Variants in DISC1 observed in about 807,000 individuals in gnomAD.
DISC1 encodes DISC1 scaffold protein, also known as disrupted in schizophrenia 1 protein.
Under a neutral mutation model 84.5 loss-of-function variants are expected in DISC1, and 57 were observed. The ratio of observed to expected loss-of-function variants is 0.67; its 90% CI spans 0.55 to 0.84. DISC1 has a LOEUF of 0.84. DISC1 is among the 40% of genes least tolerant of loss of function. The pLI is 0.00. For missense variants in DISC1, 1,000 were observed against 1,057.8 expected (o/e 0.95, Z 0.76); for synonymous variants, 411 against 415.2 (o/e 0.99, Z 0.12).
intron 9 of DISC1, among the ~76,000 whole-genome samples, chr1:231,870,672 A>C (rs2085393738): frequency 6.6e-6 from 1 of 152,172 alleles, no homozygotes; most frequent in Admixed American, 6.5e-5. Context: ...AAAAGCCCTC[A>C]AAACATGGTC....
chr1:231,942,061 C>G (rs76178247), intron 9 of DISC1, among the ~76,000 whole-genome samples: 2 of 151,650 alleles, frequency 1.3e-5, no homozygotes, highest in African/African-American at 4.9e-5. Flanking sequence ...GGCCGGGGGA[C>G]GAGGTAACCA....
intron 9 of DISC1, among the ~76,000 whole-genome samples, chr1:231,933,256 G>A (rs536814869): frequency 1.3e-5 from 2 of 152,292 alleles, no homozygotes; most frequent in African/African-American, 2.4e-5. Context: ...ACCTAGGTTA[G>A]CCTGAGTTCA....
At chr1:231,926,042 C>G (rs1254289587) in intron 9 of DISC1, 1 of 152,226 alleles carries the variant, frequency 6.6e-6, no homozygotes, top group Non-Finnish European at 1.5e-5. Context: ...ATAATAAACA[C>G]TCAGTGCTAG....
intron 11 of DISC1, among the ~76,000 whole-genome samples, chr1:232,019,463 C>T (rs575979087): frequency 1.3e-5 from 2 of 152,148 alleles, no homozygotes; most frequent in African/African-American, 4.8e-5. Context: ...TTAAATGATC[C>T]GTTCAGAATT....
At chr1:231,925,189 C>A (rs1458295865) in intron 9 of DISC1, among the ~76,000 whole-genome samples, 1 of 152,090 alleles carries the variant, frequency 6.6e-6, no homozygotes, top group African/African-American at 2.4e-5. Context: ...AAAATACGGG[C>A]CCCAACCCGA....
chr1:231,860,539 C>T (rs79887076), intron 9 of DISC1, among the ~76,000 whole-genome samples: 252 of 152,154 alleles, frequency 1.7e-3, no homozygotes, highest in African/African-American at 5.7e-3. Context: ...TAATGTCTTA[C>T]GATGTGTGTG....
chr1:231,650,628 G>C (rs12021562), intron 1 of DISC1, among the ~76,000 whole-genome samples: 17,282 of 152,212 alleles, frequency 0.11, 1,071 homozygotes, highest in South Asian at 0.16. Flanking sequence ...GGTTGGGGAA[G>C]TTCTCCTGGA....
intron 1 of DISC1, among the ~76,000 whole-genome samples, chr1:231,642,176 G>A (rs991091569): frequency 1.3e-5 from 2 of 152,154 alleles, no homozygotes; most frequent in Admixed American, 6.5e-5. Context: ...GCCCGGGGCC[G>A]GCGGGGCCGG....
At position 231,626,901 on chromosome 1, in the gene DISC1, G is replaced by T; in HGVS notation, c.34G>T (p.Ala12Ser). The T allele has an allele frequency of 6.7e-7, 1 of 1,499,240 alleles. No individual in the cohort carries two copies. Among genetic ancestry groups the T allele is most frequent in the Non-Finnish European group, 8.8e-7 (1 of 1,132,622 alleles). The allele number at this position is 1,499,240 out of a possible 1,614,324, so 92.9% of individuals were successfully genotyped here. A position where few individuals can be genotyped will look rare whatever the true frequency, so the allele number is the denominator to read the frequency against. ...PGGGPQGAPAAAGGGGVSHRA... is the reference protein window; with the variant it reads ...PGGGPQGAPASAGGGGVSHRA... ...CGGGGGTCCTCAGGGCGCCCCAGCC[G>T]CCGCCGGCGGCGGCGGCGTGAGCCA... The change falls in exon 1 of 13, where the codon GCC becomes TCC. Residue 12 changes from alanine (A) to serine (S), a missense_variant. Physicochemically the swap from Ala to Ser is moderately conservative, Grantham distance 99 (BLOSUM62 1). Coordinates refer to ENST00000439617, the MANE Select transcript of DISC1 (RefSeq NM_018662.3).
chr1:231,784,059 T>C (rs1048999406), intron 6 of DISC1, among the ~76,000 whole-genome samples: 1 of 152,062 alleles, frequency 6.6e-6, no homozygotes, highest in Non-Finnish European at 1.5e-5. Context: ...GTCAGGAGTT[T>C]GAGACCAGCC....
chr1:231,640,009 G>A lies in DISC1; in HGVS notation c.67+13075G>A, dbSNP rs186859034. Among the ~76,000 whole-genome samples, 530 of 152,336 alleles carry A rather than the reference G, an allele frequency of 3.5e-3. 5 individuals are homozygous for A. The highest frequency in any genetic ancestry group is 6.0e-3 in the Non-Finnish European group (406 of 68,026). On this transcript the variant is annotated intron_variant, in intron 1 of 12. Transcript: ENST00000439617. The stretch of plus-strand genomic sequence containing the variant: ...CTTGTTCCCACTAAGTAGGATAAAT[G>A]AAGACTCTAAATTGCTTCACATCTG...
intron 1 of DISC1, among the ~76,000 whole-genome samples, chr1:231,655,918 A>G (rs1240886136): frequency 6.6e-6 from 1 of 152,128 alleles, no homozygotes; most frequent in Non-Finnish European, 1.5e-5. Context: ...ATGTATATTC[A>G]TGTCATTTGC....
At position 232,038,831 on chromosome 1, in the gene DISC1, G is replaced by A. The variant is rs1670667067; in HGVS notation, c.*2000G>A. On this transcript the variant is annotated 3_prime_UTR_variant, in exon 13 of 13. Coordinates refer to ENST00000439617, the MANE Select transcript of DISC1 (RefSeq NM_018662.3). ...GGTTCCTGCCTTCACTAGGATCCAC[G>A]GATATGAGACCATTTTTGTCATTTC... is the stretch of plus-strand genomic sequence containing the variant. 6.6e-6 allele frequency: 1 copy of A among 152,114 alleles called. No individual in the cohort carries two copies. Among genetic ancestry groups the A allele is most frequent in the South Asian group, 2.1e-4 (1 of 4,826 alleles). The allele number at this position is 152,114 out of a possible 1,614,324, so 9.4% of individuals were successfully genotyped here.
chr1:231,752,697 CA>C (rs1250927903), intron 4 of DISC1, among the ~76,000 whole-genome samples: 1 of 152,210 alleles, frequency 6.6e-6, no homozygotes, highest in African/African-American at 2.4e-5. Flanking sequence ...TCATTTCCAG[CA>C]TTAACTCAAA....
intron 9 of DISC1, among the ~76,000 whole-genome samples, chr1:231,922,791 A>G (rs2090088802): frequency 6.6e-6 from 1 of 152,056 alleles, no homozygotes; most frequent in Non-Finnish European, 1.5e-5. Context: ...CAGCTCCCCC[A>G]GGAAGGAAGG....
chr1:231,840,582 G>A (rs765191270), intron 9 of DISC1, among the ~76,000 whole-genome samples: 1 of 152,174 alleles, frequency 6.6e-6, no homozygotes, highest in Non-Finnish European at 1.5e-5. Context: ...CTATTCATAC[G>A]ATGCTCTGGA....
intron 9 of DISC1, among the ~76,000 whole-genome samples, chr1:231,886,898 A>G (rs1275159592): frequency 3.1e-5 from 4 of 129,320 alleles, no homozygotes; most frequent in Middle Eastern, 5.6e-3. Flanking sequence ...GTCTTGCTCT[A>G]TCACCTAGGC....
intron 9 of DISC1, among the ~76,000 whole-genome samples, chr1:231,838,226 A>T (rs953295944): frequency 2.6e-5 from 4 of 152,192 alleles, no homozygotes; most frequent in African/African-American, 9.7e-5. Flanking sequence ...TATTCATGGG[A>T]TGCAGACACT....
intron 9 of DISC1, among the ~76,000 whole-genome samples, chr1:231,929,838 T>C (rs1417536774): frequency 6.6e-6 from 1 of 152,150 alleles, no homozygotes; most frequent in African/African-American, 2.4e-5. Flanking sequence ...CACTCCACCA[T>C]TGTTGTTGTT....
Sources: gnomAD v4.1 joint callset for allele counts (sites outside exome capture counted in the v4.1 genomes callset) on GRCh38, gnomAD v4.1.1 for gene constraint, MANE v1.5 for transcripts, NCBI Gene and HGNC (gene_info 2026-07-23, HGNC 2026-07-21) for gene names.